Variants in AGBL4 observed in about 807,000 individuals in gnomAD.
AGBL4 encodes AGBL carboxypeptidase 4.
In AGBL4, 58 loss-of-function variants were observed where a neutral mutation model predicts 66.4. That is an observed-to-expected ratio of 0.87 (90% CI 0.71 to 1.09). The LOEUF is 1.09. AGBL4 is among the 50% of genes least tolerant of loss of function. The pLI, the probability that AGBL4 is intolerant of heterozygous loss-of-function variation, is 0.00. For missense variants in AGBL4, 579 were observed against 631.0 expected (o/e 0.92, Z 0.88); for synonymous variants, 234 against 222.9 (o/e 1.05, Z -0.44).
At chr1:49,118,705 G>T (rs533036762) in intron 4 of AGBL4, among the ~76,000 whole-genome samples, 92 of 152,262 alleles carry the variant, frequency 6.0e-4, no homozygotes, top group African/African-American at 2.1e-3. Context: ...GATGATGCTG[G>T]TCTCATAAAA....
intron 4 of AGBL4, among the ~76,000 whole-genome samples, chr1:49,078,896 C>T (rs1644758980): frequency 6.6e-6 from 1 of 152,278 alleles, no homozygotes; most frequent in African/African-American, 2.4e-5. Flanking sequence ...CTTCTAGTGG[C>T]TTTACATTAA....
intron 4 of AGBL4, among the ~76,000 whole-genome samples, chr1:49,136,055 G>T (rs1172932315): frequency 6.6e-6 from 1 of 152,040 alleles, no homozygotes; most frequent in African/African-American, 2.4e-5. Flanking sequence ...AACAGTAATT[G>T]TGAAAAATAT....
chr1:49,109,078 A>C (rs774008945), intron 4 of AGBL4, among the ~76,000 whole-genome samples: 1 of 152,146 alleles, frequency 6.6e-6, no homozygotes, highest in Admixed American at 6.5e-5. Flanking sequence ...TTTTTCAAAA[A>C]ACTTTACCTA....
intron 5 of AGBL4, among the ~76,000 whole-genome samples, chr1:48,868,926 T>C (rs1648379755): frequency 6.6e-6 from 1 of 152,224 alleles, no homozygotes; most frequent in African/African-American, 2.4e-5. Context: ...GGAGAGCTGA[T>C]GAAGATCTGT....
intron 4 of AGBL4, among the ~76,000 whole-genome samples, chr1:49,052,783 G>C (rs1286655918): frequency 6.6e-6 from 1 of 152,090 alleles, no homozygotes; most frequent in African/African-American, 2.4e-5. Context: ...GCATATAGAG[G>C]CAATTGATAA....
chr1:49,360,804 T>G lies in AGBL4; in HGVS notation c.283-114940A>C, dbSNP rs556553429. ...AAAACGAATCCGCATGTTATTGTGG[T>G]TGTATTTTTTTTAATTTTTATTTTT... On this transcript the variant is annotated intron_variant, in intron 3 of 13. Coordinates refer to ENST00000371839, the MANE Select transcript of AGBL4 (RefSeq NM_032785.4). Among the ~76,000 whole-genome samples, 346 of 152,174 alleles carry G rather than the reference T, an allele frequency of 2.3e-3. 1 individual carries two copies. The highest frequency in any genetic ancestry group is 3.9e-3 in the South Asian group (19 of 4,818).
chr1:49,457,323 G>C (rs1267311760), intron 3 of AGBL4, among the ~76,000 whole-genome samples: 4 of 151,680 alleles, frequency 2.6e-5, no homozygotes, highest in African/African-American at 9.7e-5. Context: ...CCTGATAATT[G>C]ATGAGGTTGA....
intron 3 of AGBL4, among the ~76,000 whole-genome samples, chr1:49,565,919 C>T (rs1644188495): frequency 6.6e-6 from 1 of 152,150 alleles, no homozygotes. Context: ...TCCATTCTCC[C>T]CGTCACTTTC....
chr1:49,246,848 G>C (rs1198551876), intron 3 of AGBL4, among the ~76,000 whole-genome samples: 1 of 151,634 alleles, frequency 6.6e-6, no homozygotes, highest in African/African-American at 2.4e-5. Flanking sequence ...TTCTTTCCAG[G>C]GACAGTGAAA....
At chr1:49,207,240 G>C (rs1648223176) in intron 4 of AGBL4, among the ~76,000 whole-genome samples, 1 of 152,010 alleles carries the variant, frequency 6.6e-6, no homozygotes, top group Admixed American at 6.6e-5. Context: ...TACCCTACCT[G>C]ATTTAGCAGA....
chr1:49,884,406 C>T (rs571917648), intron 1 of AGBL4, among the ~76,000 whole-genome samples: 1 of 151,280 alleles, frequency 6.6e-6, no homozygotes, highest in African/African-American at 2.4e-5. Context: ...TATTAAGACA[C>T]CTGTATATTA....
At chr1:49,636,769 G>C (rs1195628268) in intron 3 of AGBL4, among the ~76,000 whole-genome samples, 1 of 152,172 alleles carries the variant, frequency 6.6e-6, no homozygotes, top group African/African-American at 2.4e-5. Context: ...GGATACTAGT[G>C]ATGTTTTATT....
chr1:49,339,911 G>A (rs1462119902), intron 3 of AGBL4, among the ~76,000 whole-genome samples: 1 of 152,162 alleles, frequency 6.6e-6, no homozygotes, highest in Admixed American at 6.5e-5. Flanking sequence ...GTGGTGCCAT[G>A]ACTGTGGTAG....
chr1:48,653,696 A>G (rs1645971261), intron 7 of AGBL4, among the ~76,000 whole-genome samples: 1 of 152,178 alleles, frequency 6.6e-6, no homozygotes, highest in Non-Finnish European at 1.5e-5. Context: ...GGGAGAGAGC[A>G]TTTCCTGCGG....
chr1:48,609,714 T>G (rs1360991081), intron 9 of AGBL4, among the ~76,000 whole-genome samples: 4 of 152,204 alleles, frequency 2.6e-5, no homozygotes, highest in Admixed American at 6.5e-5. Context: ...TGAGCCACCA[T>G]GCTTGGTTGC....
chr1:49,617,748 T>C (rs1230717640), intron 3 of AGBL4, among the ~76,000 whole-genome samples: 1 of 152,186 alleles, frequency 6.6e-6, no homozygotes, highest in East Asian at 1.9e-4. Flanking sequence ...CAGGTACAGA[T>C]AAAAACAACA....
intron 3 of AGBL4, among the ~76,000 whole-genome samples, chr1:49,462,952 A>T (rs895599920): frequency 4.6e-5 from 7 of 151,734 alleles, no homozygotes; most frequent in Non-Finnish European, 8.8e-5. Context: ...GAGATCATTT[A>T]TTCTAATCCT....
chr1:49,988,989 A>C (rs1659720297), intron 1 of AGBL4, among the ~76,000 whole-genome samples: 1 of 152,174 alleles, frequency 6.6e-6, no homozygotes, highest in Admixed American at 6.5e-5. Flanking sequence ...TTCATGCATA[A>C]CACACACAAT....
intron 3 of AGBL4, among the ~76,000 whole-genome samples, chr1:49,343,615 A>T (rs1490738294): frequency 6.6e-6 from 1 of 152,212 alleles, no homozygotes; most frequent in South Asian, 2.1e-4. Context: ...AGTAAAACGC[A>T]TGATAAAAGC....
Sources: allele counts gnomAD v4.1 joint callset (sites outside exome capture counted in the v4.1 genomes callset), GRCh38; gene constraint gnomAD v4.1.1; transcripts MANE v1.5; gene names NCBI Gene and HGNC (gene_info 2026-07-23, HGNC 2026-07-21).